ADGRB3: variants seen among roughly 807,000 people sequenced by gnomAD.
The protein encoded by ADGRB3 is brain-specific angiogenesis inhibitor 3.
ADGRB3 carries 37 observed loss-of-function variants against 193.4 expected under a neutral mutation model. The observed-to-expected ratio is 0.19, with a 90% CI of 0.15 to 0.25. The LOEUF is 0.25. Ranked by LOEUF, ADGRB3 falls within the 10% of genes least tolerant of loss-of-function variation. The pLI is 1.00. For synonymous variants in ADGRB3, 690 were observed against 644.2 expected (o/e 1.07, Z -1.08); for missense variants, 1,637 against 1,852.9 (o/e 0.88, Z 2.14).
chr6:69,194,538 A>G (rs1283120543), intron 17 of ADGRB3, among the ~76,000 whole-genome samples: 1 of 152,256 alleles, frequency 6.6e-6, no homozygotes, highest in East Asian at 1.9e-4. Flanking sequence ...ATCAGTTTTG[A>G]TTGCGTGAGA....
At chr6:68,975,681 TATC>T (rs1469511149) in intron 10 of ADGRB3, among the ~76,000 whole-genome samples, 2 of 152,216 alleles carry the variant, frequency 1.3e-5, no homozygotes, top group South Asian at 2.1e-4. Context: ...TATTTTAAAA[TATC>T]ATACATTTTA....
In ADGRB3 at chr6:69,388,815, T is replaced by A; in HGVS notation, c.4493T>A (p.Leu1498Gln). ...ACAGAGGCAAAGGATGCTTTGGAAC[T>A]GAGGCCAGCAGAGTGGGAGAAGTGT... ...LDTEAKDALE[L>Q]RPAEWEKCLN... Residue 1498 changes from leucine (L) to glutamine (Q), a missense_variant, in exon 32 of 32, where the codon CTG becomes CAG. Transcript: ENST00000370598. The A allele has an allele frequency of 6.2e-7, 1 of 1,613,538 alleles. No homozygotes were observed. Among genetic ancestry groups the A allele is most frequent in the Non-Finnish European group, 8.5e-7 (1 of 1,179,654 alleles).
rs950944317 is a variant in ADGRB3, at chr6:69,389,486, G to A, written c.*595G>A. On this transcript the variant is annotated 3_prime_UTR_variant, in exon 32 of 32. Transcript: ENST00000370598. ...TAAAATATTTAAAATGTTGTATGGT[G>A]TAAATAAACTTTTGTCTACATATCA... The A allele has an allele frequency of 3.9e-5, 6 of 152,484 alleles. No individual in the cohort carries two copies. Among genetic ancestry groups the A allele is most frequent in the Non-Finnish European group, 5.9e-5 (4 of 68,014 alleles). The allele number at this position is 152,484 out of a possible 1,614,324, so 9.4% of individuals were successfully genotyped here.
chr6:69,319,371 T>G (rs1418200113), intron 20 of ADGRB3, among the ~76,000 whole-genome samples: 1 of 151,340 alleles, frequency 6.6e-6, no homozygotes, highest in Non-Finnish European at 1.5e-5. Context: ...TTTATTTCAC[T>G]TTCTATCCTA....
At chr6:69,241,030 C>A (rs1766373525) in intron 20 of ADGRB3, among the ~76,000 whole-genome samples, 1 of 148,012 alleles carries the variant, frequency 6.8e-6, no homozygotes, top group Non-Finnish European at 1.5e-5. Context: ...TTATACCTCC[C>A]CTTAGACTAG....
chr6:69,218,153 T>G (rs1182107831), intron 17 of ADGRB3, among the ~76,000 whole-genome samples: 1 of 151,942 alleles, frequency 6.6e-6, no homozygotes, highest in Non-Finnish European at 1.5e-5. Flanking sequence ...GTTGTTCTTA[T>G]ATTAATATGA....
chr6:69,079,965 T>G (rs1772340279), intron 17 of ADGRB3, among the ~76,000 whole-genome samples: 1 of 152,074 alleles, frequency 6.6e-6, no homozygotes, highest in Non-Finnish European at 1.5e-5. Flanking sequence ...TCAAATTGAT[T>G]TATTGGAGTT....
intron 17 of ADGRB3, among the ~76,000 whole-genome samples, chr6:69,181,690 C>T (rs1775589208): frequency 6.6e-6 from 1 of 152,272 alleles, no homozygotes; most frequent in African/African-American, 2.4e-5. Flanking sequence ...TTAAGCTTTG[C>T]TTCGTCAATG....
At chr6:69,284,213 T>G (rs1309896230) in intron 20 of ADGRB3, among the ~76,000 whole-genome samples, 2 of 152,136 alleles carry the variant, frequency 1.3e-5, no homozygotes, top group African/African-American at 4.8e-5. Context: ...CCTCAGATTT[T>G]TCTTTGTTGC....
chr6:69,002,958 G>A lies in ADGRB3; in HGVS notation c.1929+8996G>A, dbSNP rs147820111. Reference sequence around the variant, plus strand: ...GAAGCAGGGGAGTAGGGTGTGATGAGTAAGAGTACTTGCTCTGACCTTCAA... The same window carrying A: ...GAAGCAGGGGAGTAGGGTGTGATGAATAAGAGTACTTGCTCTGACCTTCAA... On this transcript the variant is annotated intron_variant, in intron 11 of 31. Coordinates refer to ENST00000370598, the MANE Select transcript of ADGRB3 (RefSeq NM_001704.3). Among the ~76,000 whole-genome samples the A allele has an allele frequency of 5.5e-4, 83 of 152,288 alleles. 1 individual carries two copies. In the East Asian group the frequency reaches 0.015, roughly 27 times the overall value.
At chr6:68,923,716 A>G (rs1767107808) in intron 3 of ADGRB3, among the ~76,000 whole-genome samples, 1 of 152,072 alleles carries the variant, frequency 6.6e-6, no homozygotes, top group South Asian at 2.1e-4. Context: ...GACTTTTAAG[A>G]GAATTGTCCA....
rs1582470192 is a variant in ADGRB3 at position 69,113,426 on chromosome 6, T to C, written c.2480+37388T>C. ...ATATATACTCCACACAGAAATACTT[T>C]CTTTAATTTTTATGTATTTTTACAA... is the stretch of plus-strand genomic sequence containing the variant. On this transcript the variant is annotated intron_variant, in intron 17 of 31. Coordinates refer to ENST00000370598, the MANE Select transcript of ADGRB3 (RefSeq NM_001704.3). Among the ~76,000 whole-genome samples the C allele has an allele frequency of 2.0e-5, 3 of 152,092 alleles. No individual in the cohort carries two copies. In the East Asian group the frequency reaches 5.8e-4, roughly 29 times the overall value.
At chr6:68,836,671 C>T (rs1768051919) in intron 3 of ADGRB3, among the ~76,000 whole-genome samples, 1 of 152,102 alleles carries the variant, frequency 6.6e-6, no homozygotes, top group South Asian at 2.1e-4. Context: ...AATTTCTTAT[C>T]TCCCTGCCAT....
chr6:69,340,430 G>T (rs928641439), intron 26 of ADGRB3, among the ~76,000 whole-genome samples: 11 of 152,100 alleles, frequency 7.2e-5, no homozygotes, highest in African/African-American at 2.7e-4. Flanking sequence ...GTCACTTTGA[G>T]AAAACAGTCT....
chr6:68,898,595 C>A (rs1039409941), intron 3 of ADGRB3, among the ~76,000 whole-genome samples: 2 of 152,050 alleles, frequency 1.3e-5, no homozygotes, highest in Non-Finnish European at 2.9e-5. Flanking sequence ...GAACATGACT[C>A]CCCAACCCTT....
intron 3 of ADGRB3, among the ~76,000 whole-genome samples, chr6:68,876,260 T>C (rs975538673): frequency 2.0e-5 from 3 of 152,098 alleles, no homozygotes; most frequent in African/African-American, 4.8e-5. Flanking sequence ...AAGGACTCCC[T>C]ACGGGAGCTG....
chr6:68,745,885 G>A (rs967528112), intron 3 of ADGRB3, among the ~76,000 whole-genome samples: 13 of 151,798 alleles, frequency 8.6e-5, no homozygotes, highest in South Asian at 4.2e-4. Flanking sequence ...TCCTTATTGC[G>A]ATTTGTAATA....
chr6:68,703,359 G>T (rs117200830), intron 3 of ADGRB3, among the ~76,000 whole-genome samples: 3,356 of 152,168 alleles, frequency 0.022, 64 homozygotes, highest in South Asian at 0.069. Flanking sequence ...TACTACCATT[G>T]TGTGGGTCAA....
chr6:69,325,697 A>G (rs1423596021), intron 21 of ADGRB3, among the ~76,000 whole-genome samples: 1 of 152,230 alleles, frequency 6.6e-6, no homozygotes, highest in African/African-American at 2.4e-5. Flanking sequence ...ATACAATAAT[A>G]TCTACTGTAT....
Sources: gnomAD v4.1 joint callset for allele counts (sites outside exome capture counted in the v4.1 genomes callset) on GRCh38, gnomAD v4.1.1 for gene constraint, MANE v1.5 for transcripts, NCBI Gene and HGNC (gene_info 2026-07-23, HGNC 2026-07-21) for gene names.